The following CDC14A variants were observed in gnomAD, a reference collection of about 807,000 sequenced individuals.
CDC14A encodes cell division cycle 14A, also known as dual specificity protein phosphatase CDC14A.
Under a neutral mutation model 74.4 loss-of-function variants are expected in CDC14A, and 53 were observed. The ratio of observed to expected loss-of-function variants is 0.71; its 90% CI spans 0.57 to 0.89. The LOEUF (loss-of-function observed/expected upper bound fraction) is 0.89. Ranked by LOEUF, CDC14A falls within the 40% of genes least tolerant of loss-of-function variation. CDC14A has a pLI of 0.00. For missense variants in CDC14A, 646 were observed against 713.7 expected, an observed-to-expected ratio of 0.91 and a Z score of 1.08; for synonymous variants, 247 against 258.4, an observed-to-expected ratio of 0.96 and a Z score of 0.43.
At chr1:100,394,009 C>A in intron 4 of CDC14A, 1 of 263,702 alleles carries the variant, frequency 3.8e-6, no homozygotes, top group South Asian at 4.1e-5. Flanking sequence ...CTCCAGCCAC[C>A]AAACCTGTGC....
chr1:100,395,125 T>C (rs1303583593), intron 4 of CDC14A, among the ~76,000 whole-genome samples: 1 of 152,210 alleles, frequency 6.6e-6, no homozygotes. Flanking sequence ...TAAGTGGCAT[T>C]GACTGACTAA....
intron 2 of CDC14A, 148 bp downstream of exon 2, chr1:100,354,000 G>T: frequency 1.6e-6 from 1 of 636,676 alleles, no homozygotes; most frequent in Non-Finnish European, 2.8e-6. Context: ...GGTGCCTGGG[G>T]AGAAGTTCAG....
At chr1:100,353,111 C>T in intron 1 of CDC14A, 108 bp downstream of exon 1, 1 of 1,240,138 alleles carries the variant, frequency 8.1e-7, no homozygotes, top group Non-Finnish European at 1.2e-6. Context: ...CCTGCAGCCG[C>T]TGCGCGCGCT....
chr1:100,354,631 AG>A (rs1651629581), intron 2 of CDC14A, among the ~76,000 whole-genome samples: 1 of 152,264 alleles, frequency 6.6e-6, no homozygotes, highest in African/African-American at 2.4e-5. Flanking sequence ...ATTCAGTAAA[AG>A]TATCAGATAA....
At chr1:100,414,579 G>A (rs1661278042) in intron 4 of CDC14A, among the ~76,000 whole-genome samples, 1 of 152,020 alleles carries the variant, frequency 6.6e-6, no homozygotes, top group African/African-American at 2.4e-5. Flanking sequence ...CATTTGGAAA[G>A]TTTTATGAAA....
In CDC14A at chr1:100,470,185, C is replaced by CA. The variant is rs1403605650; in HGVS notation, c.977+2096dup. Among the ~76,000 whole-genome samples, 24 of 151,812 alleles carry CA rather than the reference C, an allele frequency of 1.6e-4. 1 individual carries two copies. Reference sequence around the variant, plus strand: ...ATCAATATAATTCACCAAATTAACACAAAAAGTAGAAAAATTATATGATTA... The same window carrying CA: ...ATCAATATAATTCACCAAATTAACACAAAAAAGTAGAAAAATTATATGATTA... On this transcript the variant is annotated intron_variant, in intron 10 of 15. Coordinates refer to ENST00000336454, the MANE Select transcript of CDC14A (RefSeq NM_003672.4).
chr1:100,483,027 A>C (rs954492785), intron 10 of CDC14A, among the ~76,000 whole-genome samples: 1 of 152,092 alleles, frequency 6.6e-6, no homozygotes, highest in East Asian at 1.9e-4. Context: ...TGTCTTTGCT[A>C]TTGTGAATAG....
intron 2 of CDC14A, among the ~76,000 whole-genome samples, chr1:100,359,951 T>C (rs1022827878): frequency 7.3e-5 from 11 of 150,808 alleles, no homozygotes; most frequent in Non-Finnish European, 1.0e-4. Flanking sequence ...CTTCTTTTTT[T>C]TTTTTTTTTT....
chr1:100,355,089 G>A (rs1268594082), intron 2 of CDC14A, among the ~76,000 whole-genome samples: 1 of 152,222 alleles, frequency 6.6e-6, no homozygotes, highest in Non-Finnish European at 1.5e-5. Flanking sequence ...GAGGCAAAGA[G>A]GTCTGAGTCC....
At chr1:100,436,626 T>C (rs1029624404) in intron 5 of CDC14A, among the ~76,000 whole-genome samples, 1 of 152,130 alleles carries the variant, frequency 6.6e-6, no homozygotes, top group Non-Finnish European at 1.5e-5. Flanking sequence ...GGTTTCACTA[T>C]GTTGGACCAG....
intron 4 of CDC14A, among the ~76,000 whole-genome samples, chr1:100,417,927 T>C (rs1661736696): frequency 1.3e-5 from 2 of 152,174 alleles, no homozygotes; most frequent in African/African-American, 4.8e-5. Context: ...ATGGGAAGCT[T>C]GGTTACTTGA....
intron 10 of CDC14A, 26 bp downstream of exon 10, chr1:100,468,120 A>G: frequency 6.2e-7 from 1 of 1,612,654 alleles, no homozygotes; most frequent in Non-Finnish European, 8.5e-7. Context: ...CCATTACCAC[A>G]TTATATCCTG....
At position 100,381,864 on chromosome 1, in the gene CDC14A, C is replaced by T. The variant is rs549431977; in HGVS notation, c.216+4243C>T. On this transcript the variant is annotated intron_variant, in intron 3 of 15. Transcript: ENST00000336454. ...AGTAATAGGTTGCTGTTTGGTCTTT[C>T]CCCTAGGATAGGGGAAGCAATCAAA... Among the ~76,000 whole-genome samples the T allele has an allele frequency of 2.6e-5, 4 of 152,270 alleles. No homozygotes were observed. The East Asian group carries it at 7.7e-4, about 29-fold the overall frequency.
At chr1:100,496,097 C>T (rs777487535) in intron 13 of CDC14A, 48 bp downstream of exon 13, 2 of 1,493,166 alleles carry the variant, frequency 1.3e-6, no homozygotes, top group East Asian at 2.3e-5. Flanking sequence ...ATATATGCTT[C>T]CTTTTAGCCA....
At chr1:100,387,382 G>T (rs75045026) in intron 3 of CDC14A, among the ~76,000 whole-genome samples, 10 of 152,126 alleles carry the variant, frequency 6.6e-5, no homozygotes, top group East Asian at 5.8e-4. Context: ...GGAGATGCTG[G>T]CCAAGCTTCG....
At position 100,474,609 on chromosome 1, in the gene CDC14A, G is replaced by GTT. The variant is rs35293583; in HGVS notation, c.977+6526_977+6527dup. Among the ~76,000 whole-genome samples the GTT allele has an allele frequency of 3.7e-3, 543 of 146,184 alleles. 3 individuals are homozygous for GTT. The highest frequency in any genetic ancestry group is 0.035 in the Middle Eastern group (10 of 284). ...TGTCAAAATTATGTTTGTGGAGTGTGTTTTTTTTTTTTAAAGTATTCCTTT... is the reference window on the plus strand; with the variant it reads ...TGTCAAAATTATGTTTGTGGAGTGTGTTTTTTTTTTTTTTAAAGTATTCCTTT... On this transcript the variant is annotated intron_variant, in intron 10 of 15. Coordinates refer to ENST00000336454, the MANE Select transcript of CDC14A (RefSeq NM_003672.4).
At chr1:100,455,915 C>T (rs1666635047) in intron 8 of CDC14A, among the ~76,000 whole-genome samples, 1 of 152,192 alleles carries the variant, frequency 6.6e-6, no homozygotes, top group Non-Finnish European at 1.5e-5. Context: ...TTACTGAATA[C>T]TTAGGTGCTA....
intron 3 of CDC14A, among the ~76,000 whole-genome samples, chr1:100,387,532 G>A (rs766600493): frequency 8.5e-5 from 13 of 152,148 alleles, no homozygotes; most frequent in Non-Finnish European, 1.8e-4. Context: ...CTAAAAAGAA[G>A]TCAGTTATGT....
At chr1:100,373,801 CT>C (rs71084821) in intron 2 of CDC14A, among the ~76,000 whole-genome samples, 50,616 of 151,356 alleles carry the variant, frequency 0.33, 9,855 homozygotes, top group East Asian at 0.51. Context: ...TTCTTTCTTT[CT>C]TTTTTTTTAT....
Sources: allele counts gnomAD v4.1 joint callset (sites outside exome capture counted in the v4.1 genomes callset), GRCh38; gene constraint gnomAD v4.1.1; transcripts MANE v1.5; gene names NCBI Gene and HGNC (gene_info 2026-07-23, HGNC 2026-07-21).